RBFOX1: variants seen among roughly 807,000 people sequenced by gnomAD.
RBFOX1 encodes the protein RNA binding protein fox-1 homolog 1.
Under a neutral mutation model 57.7 loss-of-function variants are expected in RBFOX1, and 8 were observed. That is an observed-to-expected ratio of 0.14 (90% CI 0.08 to 0.25). The LOEUF is 0.25. Among genes scored for constraint, RBFOX1 ranks in the 10% least tolerant of loss-of-function variants. The probability of loss-of-function intolerance (pLI) is 1.00; values close to 1 mark genes in which losing one functional copy is unlikely to be tolerated. For synonymous variants in RBFOX1, 326 were observed against 222.4 expected (o/e 1.47, Z -4.15); for missense variants, 611 against 548.5 (o/e 1.11, Z -1.14).
At chr16:7,021,666 G>C (rs1597234423) in intron 3 of RBFOX1, among the ~76,000 whole-genome samples, 1 of 147,384 alleles carries the variant, frequency 6.8e-6, no homozygotes, top group African/African-American at 2.5e-5. Flanking sequence ...ATTTCCCTCA[G>C]CCTATTTGCA....
chr16:5,389,005 C>G (rs1296187255), intron 1 of RBFOX1, among the ~76,000 whole-genome samples: 1 of 151,462 alleles, frequency 6.6e-6, no homozygotes, highest in Admixed American at 6.6e-5. Context: ...TCTTGGCTAA[C>G]ACGGTGAAAC....
At chr16:5,641,052 A>G (rs1043765917) in intron 3 of RBFOX1, among the ~76,000 whole-genome samples, 4 of 151,432 alleles carry the variant, frequency 2.6e-5, no homozygotes, top group Non-Finnish European at 5.9e-5. Context: ...ACACATATGC[A>G]CATACACCCA....
At chr16:6,833,871 G>A (rs912109609) in intron 3 of RBFOX1, among the ~76,000 whole-genome samples, 1 of 151,994 alleles carries the variant, frequency 6.6e-6, no homozygotes, top group Non-Finnish European at 1.5e-5. Flanking sequence ...AGACAGCGTG[G>A]GCACAGCTTG....
intron 3 of RBFOX1, among the ~76,000 whole-genome samples, chr16:7,019,046 G>C (rs1286485844): frequency 1.3e-5 from 2 of 151,980 alleles, no homozygotes; most frequent in Non-Finnish European, 2.9e-5. Flanking sequence ...ACTGTTCCTG[G>C]TTTCCTAGTT....
At chr16:5,997,411 T>C (rs959519640) in intron 4 of RBFOX1, among the ~76,000 whole-genome samples, 6 of 152,232 alleles carry the variant, frequency 3.9e-5, no homozygotes, top group Admixed American at 3.9e-4. Flanking sequence ...ATGATAGGAT[T>C]GATGGTATAA....
chr16:7,259,490 C>G (rs973992204), intron 4 of RBFOX1, among the ~76,000 whole-genome samples: 1 of 150,966 alleles, frequency 6.6e-6, no homozygotes, highest in African/African-American at 2.4e-5. Flanking sequence ...AATGGTGATA[C>G]AAATACTGCT....
At chr16:7,662,398 T>C (rs2067990135) in intron 12 of RBFOX1, among the ~76,000 whole-genome samples, 1 of 152,120 alleles carries the variant, frequency 6.6e-6, no homozygotes. Flanking sequence ...AACCTCAGAC[T>C]CCTCCCGACC....
intron 4 of RBFOX1, among the ~76,000 whole-genome samples, chr16:7,316,656 G>A (rs895170867): frequency 6.6e-6 from 1 of 152,154 alleles, no homozygotes; most frequent in Admixed American, 6.6e-5. Flanking sequence ...TAAATGCTCT[G>A]AAGGAAAAGA....
At chr16:6,547,202 A>T (rs1298066695) in intron 2 of RBFOX1, among the ~76,000 whole-genome samples, 1 of 152,214 alleles carries the variant, frequency 6.6e-6, no homozygotes, top group Non-Finnish European at 1.5e-5. Context: ...CTCTTCCCCC[A>T]GAATAGTTCC....
downstream of RBFOX1, among the ~76,000 whole-genome samples, chr16:5,604,292 C>A (rs1044947471): frequency 6.6e-6 from 1 of 152,230 alleles, no homozygotes; most frequent in Non-Finnish European, 1.5e-5. Flanking sequence ...GGTCTGGACA[C>A]AGCTGAACTG....
At chr16:5,366,343 A>G (rs2065715276) in intron 1 of RBFOX1, 1 of 365,550 alleles carries the variant, frequency 2.7e-6, no homozygotes, top group Admixed American at 3.5e-5. Flanking sequence ...GATGATGATG[A>G]TGATTTTGAT....
In RBFOX1 at chr16:5,670,542, C is replaced by T. The variant is rs568200254; in HGVS notation, c.318+71581C>T. Among the ~76,000 whole-genome samples the T allele has an allele frequency of 3.9e-5, 6 of 152,290 alleles. No individual in the cohort carries two copies. The South Asian group carries it at 1.2e-3, about 32-fold the overall frequency. On this transcript the variant is annotated intron_variant, in intron 3 of 19. Coordinates refer to the RBFOX1 transcript ENST00000641259. ...AAGCCACAAGCCCTGATTTTCATTT[C>T]CAAGTTTCTGCACTGTGATACTGCC... is the stretch of plus-strand genomic sequence containing the variant.
chr16:6,873,275 G>A (rs2061267423), intron 3 of RBFOX1, among the ~76,000 whole-genome samples: 1 of 151,998 alleles, frequency 6.6e-6, no homozygotes, highest in Non-Finnish European at 1.5e-5. Flanking sequence ...AGTTATCTTG[G>A]TCCCAAAGCA....
intron 2 of RBFOX1, among the ~76,000 whole-genome samples, chr16:6,460,156 G>C (rs1446885401): frequency 6.6e-6 from 1 of 151,404 alleles, no homozygotes; most frequent in Non-Finnish European, 1.5e-5. Context: ...TTTTCTCATA[G>C]TTCTGGAGGC....
At chr16:6,073,287 G>A (rs942147064) in intron 1 of RBFOX1, among the ~76,000 whole-genome samples, 1 of 152,130 alleles carries the variant, frequency 6.6e-6, no homozygotes, top group Non-Finnish European at 1.5e-5. Context: ...TATTAGGTTG[G>A]TGTAAAAGGA....
chr16:6,636,819 TA>T (rs2098438905), intron 2 of RBFOX1, among the ~76,000 whole-genome samples: 2 of 115,502 alleles, frequency 1.7e-5, no homozygotes, highest in South Asian at 2.7e-4. Context: ...ATATAATATA[TA>T]ATATATGTTA....
At chr16:5,701,075 C>A (rs180729196) in intron 3 of RBFOX1, among the ~76,000 whole-genome samples, 1 of 151,946 alleles carries the variant, frequency 6.6e-6, no homozygotes, top group South Asian at 2.1e-4. Flanking sequence ...AGCCTCTCAT[C>A]CCCATTTCTT....
chr16:6,600,558 T>G (rs1199489193), intron 2 of RBFOX1, among the ~76,000 whole-genome samples: 1 of 152,216 alleles, frequency 6.6e-6, no homozygotes, highest in African/African-American at 2.4e-5. Context: ...GATTATAAGA[T>G]GTAATTTACT....
At chr16:7,312,314 A>T (rs2096332774) in intron 4 of RBFOX1, among the ~76,000 whole-genome samples, 1 of 152,214 alleles carries the variant, frequency 6.6e-6, no homozygotes, top group South Asian at 2.1e-4. Context: ...CAGGAGACAG[A>T]GGTAGCAGTG....
Sources: allele counts gnomAD v4.1 joint callset (sites outside exome capture counted in the v4.1 genomes callset), GRCh38; gene constraint gnomAD v4.1.1; transcripts MANE v1.5; gene names NCBI Gene and HGNC (gene_info 2026-07-23, HGNC 2026-07-21).